Variants in MBD5 observed in about 807,000 individuals in gnomAD.
MBD5 encodes the protein methyl-CpG-binding domain protein 5.
Under a neutral mutation model 117.3 loss-of-function variants are expected in MBD5, and 13 were observed. The ratio of observed to expected loss-of-function variants is 0.11; its 90% CI spans 0.07 to 0.18. The LOEUF (loss-of-function observed/expected upper bound fraction) is 0.18, where lower values mean the gene tolerates loss of function less well. Among genes scored for constraint, MBD5 ranks in the 10% least tolerant of loss-of-function variants. The pLI is 1.00. For missense variants in MBD5, 1,879 were observed against 2,093.8 expected, an observed-to-expected ratio of 0.90 and a Z score of 2.00; for synonymous variants, 727 against 766.4, an observed-to-expected ratio of 0.95 and a Z score of 0.85.
At chr2:148,216,078 A>G (rs1699547788) in intron 2 of MBD5, among the ~76,000 whole-genome samples, 1 of 152,160 alleles carries the variant, frequency 6.6e-6, no homozygotes, top group East Asian at 1.9e-4. Context: ...CAAAAAGGGT[A>G]TTTTCTGGGG....
At chr2:148,300,192 T>G (rs936011477) in intron 3 of MBD5, among the ~76,000 whole-genome samples, 2 of 152,094 alleles carry the variant, frequency 1.3e-5, no homozygotes, top group Non-Finnish European at 2.9e-5. Flanking sequence ...GTAGCTGGGA[T>G]TACAGGTGCC....
chr2:148,145,180 A>T (rs1278651516), intron 1 of MBD5, among the ~76,000 whole-genome samples: 1 of 152,042 alleles, frequency 6.6e-6, no homozygotes, highest in African/African-American at 2.4e-5. Flanking sequence ...TGTAGGTTGG[A>T]TTCCTAGGTG....
intron 8 of MBD5, 49 bp from the exon 9 acceptor site, chr2:148,483,061 C>T: frequency 1.3e-6 from 2 of 1,583,324 alleles, no homozygotes; most frequent in Non-Finnish European, 1.7e-6. Context: ...TCTCACATAA[C>T]ATTCATGATT....
At chr2:148,162,783 A>G (rs1698040147) in intron 1 of MBD5, among the ~76,000 whole-genome samples, 1 of 152,214 alleles carries the variant, frequency 6.6e-6, no homozygotes, top group Non-Finnish European at 1.5e-5. Context: ...TATAGTCTAA[A>G]CTAAAATGAA....
intron 1 of MBD5, among the ~76,000 whole-genome samples, chr2:148,089,257 G>T (rs373229573): frequency 1.3e-5 from 2 of 151,702 alleles, no homozygotes; most frequent in African/African-American, 2.4e-5. Flanking sequence ...ATAATAGTGG[G>T]GGGACTTCAG....
At chr2:148,132,854 T>C (rs1441784933) in intron 1 of MBD5, among the ~76,000 whole-genome samples, 1 of 152,250 alleles carries the variant, frequency 6.6e-6, no homozygotes, top group Non-Finnish European at 1.5e-5. Context: ...TTGTAGGCTA[T>C]AGCTACTATG....
At chr2:148,188,381 G>T (rs1698721196) in intron 2 of MBD5, among the ~76,000 whole-genome samples, 1 of 152,080 alleles carries the variant, frequency 6.6e-6, no homozygotes, top group Non-Finnish European at 1.5e-5. Flanking sequence ...CAATAGAGGA[G>T]ATAAAGTAGA....
chr2:148,138,141 T>C (rs1697217799), intron 1 of MBD5, among the ~76,000 whole-genome samples: 1 of 152,150 alleles, frequency 6.6e-6, no homozygotes, highest in Admixed American at 6.5e-5. Flanking sequence ...CCACTAGCAA[T>C]AGCTATCTTT....
At chr2:148,025,977 T>G (rs1693881152) in intron 1 of MBD5, 1 of 152,200 alleles carries the variant, frequency 6.6e-6, no homozygotes, top group Non-Finnish European at 1.5e-5. Context: ...TCATGTGTAA[T>G]CGAAAAGTAT....
intron 3 of MBD5, among the ~76,000 whole-genome samples, chr2:148,279,244 A>G (rs967502553): frequency 6.6e-6 from 1 of 152,190 alleles, no homozygotes; most frequent in Non-Finnish European, 1.5e-5. Context: ...AACCTGGGCA[A>G]CATAGTGAGA....
At chr2:148,310,754 A>G (rs1702009582) in intron 3 of MBD5, among the ~76,000 whole-genome samples, 1 of 152,086 alleles carries the variant, frequency 6.6e-6, no homozygotes, top group Non-Finnish European at 1.5e-5. Flanking sequence ...TCAATTTTAG[A>G]TCTTTCCTGC....
intron 4 of MBD5, among the ~76,000 whole-genome samples, chr2:148,427,651 A>AGGGG (rs1705844418): frequency 6.6e-6 from 1 of 150,710 alleles, no homozygotes; most frequent in Non-Finnish European, 1.5e-5. Flanking sequence ...GGATGGGGGC[A>AGGGG]GGGGGGAGGG....
chr2:148,227,602 A>G (rs895459008), intron 2 of MBD5, among the ~76,000 whole-genome samples: 3 of 151,974 alleles, frequency 2.0e-5, no homozygotes, highest in African/African-American at 7.3e-5. Flanking sequence ...TGTGGGCTCT[A>G]TTTTGGTTCC....
intron 4 of MBD5, among the ~76,000 whole-genome samples, chr2:148,377,326 G>C (rs924743448): frequency 1.3e-5 from 2 of 152,096 alleles, no homozygotes; most frequent in Non-Finnish European, 2.9e-5. Flanking sequence ...TGTCTACCCA[G>C]GTTAAGGGTG....
chr2:148,211,910 A>G (rs994438987), intron 2 of MBD5, among the ~76,000 whole-genome samples: 5 of 151,770 alleles, frequency 3.3e-5, no homozygotes, highest in African/African-American at 1.2e-4. Context: ...ATGCCCAGCT[A>G]ATTTTTTTCT....
chr2:148,139,738 C>G (rs986503830), intron 1 of MBD5, among the ~76,000 whole-genome samples: 11 of 152,054 alleles, frequency 7.2e-5, no homozygotes, highest in Admixed American at 3.9e-4. Context: ...ATAGCTACCC[C>G]CCTGCACCCA....
chr2:148,356,744 C>G (rs1451348029), intron 4 of MBD5, among the ~76,000 whole-genome samples: 1 of 152,050 alleles, frequency 6.6e-6, no homozygotes, highest in Non-Finnish European at 1.5e-5. Flanking sequence ...ATAAAACATT[C>G]TGGTGTATCT....
chr2:148,121,335 C>T (rs1696763203), intron 1 of MBD5, among the ~76,000 whole-genome samples: 1 of 151,952 alleles, frequency 6.6e-6, no homozygotes, highest in African/African-American at 2.4e-5. Context: ...ATATTTTTCA[C>T]ATGTATAGCC....
At chr2:148,153,990 C>T (rs1390411987) in intron 1 of MBD5, among the ~76,000 whole-genome samples, 14 of 121,578 alleles carry the variant, frequency 1.2e-4, no homozygotes, top group South Asian at 3.4e-4. Context: ...TGAGGAACTG[C>T]GTTCCTTTGG....
Sources: allele counts gnomAD v4.1 joint callset (sites outside exome capture counted in the v4.1 genomes callset), GRCh38; gene constraint gnomAD v4.1.1; transcripts MANE v1.5; gene names NCBI Gene and HGNC (gene_info 2026-07-23, HGNC 2026-07-21).